HDAC9: variants seen among roughly 807,000 people sequenced by gnomAD.
HDAC9 encodes the protein MEF-2 interacting transcription repressor (MITR) protein.
In HDAC9, 41 loss-of-function variants were observed where a neutral mutation model predicts 139.4. The observed-to-expected ratio is 0.29, with a 90% CI of 0.23 to 0.38. The LOEUF (loss-of-function observed/expected upper bound fraction) is 0.38, where lower values mean the gene tolerates loss of function less well. Ranked by LOEUF, HDAC9 falls within the 10% of genes least tolerant of loss-of-function variation. The pLI, the probability that HDAC9 is intolerant of heterozygous loss-of-function variation, is 1.00. For missense variants in HDAC9, 1,147 were observed against 1,297.0 expected, an observed-to-expected ratio of 0.88 and a Z score of 1.78; for synonymous variants, 517 against 476.2, an observed-to-expected ratio of 1.09 and a Z score of -1.12.
chr7:18,475,332 T>C (rs1795033179), intron 1 of HDAC9, among the ~76,000 whole-genome samples: 1 of 152,218 alleles, frequency 6.6e-6, no homozygotes, highest in Admixed American at 6.5e-5. Context: ...TTAAGTTAAA[T>C]TCTTTGAGTC....
intron 12 of HDAC9, among the ~76,000 whole-genome samples, chr7:18,699,230 G>C (rs1374648462): frequency 2.0e-5 from 3 of 152,104 alleles, no homozygotes; most frequent in Non-Finnish European, 4.4e-5. Context: ...AGTCAATAGA[G>C]GGTGATCCCA....
At chr7:18,794,163 A>G (rs1792575612) in intron 17 of HDAC9, among the ~76,000 whole-genome samples, 1 of 152,184 alleles carries the variant, frequency 6.6e-6, no homozygotes, top group Non-Finnish European at 1.5e-5. Context: ...AGTTACCCCA[A>G]TAAACTTTGT....
intron 16 of HDAC9, among the ~76,000 whole-genome samples, chr7:18,788,198 C>T (rs192111228): frequency 3.3e-5 from 5 of 152,272 alleles, no homozygotes; most frequent in Admixed American, 3.3e-4. Context: ...CCAGTAGCCT[C>T]CCTTTGGCTC....
chr7:18,845,504 G>A (rs763662609), intron 21 of HDAC9, among the ~76,000 whole-genome samples: 2 of 152,150 alleles, frequency 1.3e-5, no homozygotes, highest in South Asian at 4.1e-4. Context: ...GCTCCAGAGT[G>A]TAACTGAACC....
rs113868749 is a variant in HDAC9, at chr7:18,348,457, C to A, written c.-42+57942C>A. On this transcript the variant is annotated intron_variant, in intron 1 of 3. Transcript: ENST00000413509. ...TTACTCATGGATTTTTGGGAAGGTT[C>A]AATTAGATATGCCCCAAGAAATGCT... 3.0e-3 allele frequency among the ~76,000 whole-genome samples: 458 copies of A among 152,138 alleles called. 2 individuals are homozygous for A. Among genetic ancestry groups the A allele is most frequent in the African/African-American group, 0.011 (437 of 41,500 alleles).
At position 18,495,982 on chromosome 7, in the gene HDAC9, A is replaced by G; in HGVS notation, c.-83A>G. 1 of 1,290,698 alleles carries G rather than the reference A, an allele frequency of 7.7e-7. No individual in the cohort carries two copies. Among genetic ancestry groups the G allele is most frequent in the Non-Finnish European group, 9.8e-7 (1 of 1,021,698 alleles). 80.0% of individuals were successfully genotyped at this position (1,290,698 alleles called of 1,614,324 possible). On this transcript the variant is annotated 5_prime_UTR_variant, in exon 1 of 26. Coordinates refer to ENST00000686413, the MANE Select transcript of HDAC9 (RefSeq NM_178425.4). ...GTTTCCGGGATAACCTAAACTCCAG[A>G]GAGCTATAGCATCCACTCTGTCCTT... is the stretch of plus-strand genomic sequence containing the variant.
chr7:18,758,682 T>G (rs535807503), intron 14 of HDAC9, among the ~76,000 whole-genome samples: 1 of 152,322 alleles, frequency 6.6e-6, no homozygotes, highest in African/African-American at 2.4e-5. Context: ...GCTGTTGCTC[T>G]TTCAGAATTT....
At chr7:18,826,424 T>C (rs1307338145) in intron 17 of HDAC9, among the ~76,000 whole-genome samples, 1 of 152,102 alleles carries the variant, frequency 6.6e-6, no homozygotes, top group East Asian at 1.9e-4. Flanking sequence ...TAGAGGAGTT[T>C]GATATTCCTG....
intron 2 of HDAC9, among the ~76,000 whole-genome samples, chr7:18,539,265 C>A (rs1219004479): frequency 6.6e-5 from 10 of 152,160 alleles, no homozygotes; most frequent in African/African-American, 2.4e-4. Flanking sequence ...GTTTTTCCCC[C>A]AAATTTATAT....
intron 1 of HDAC9, among the ~76,000 whole-genome samples, chr7:18,298,283 T>A (rs1216672556): frequency 2.6e-5 from 4 of 151,696 alleles, no homozygotes; most frequent in Non-Finnish European, 5.9e-5. Context: ...TTTTTATGTT[T>A]TTTTTTTTTT....
intron 1 of HDAC9, among the ~76,000 whole-genome samples, chr7:18,136,163 T>C (rs1275734835): frequency 8.1e-5 from 12 of 148,580 alleles, no homozygotes; most frequent in African/African-American, 1.0e-4. Flanking sequence ...TGTTTTTTTC[T>C]TGTAAATTTG....
intron 16 of HDAC9, among the ~76,000 whole-genome samples, chr7:18,783,537 A>G (rs1351778080): frequency 1.3e-5 from 2 of 152,128 alleles, no homozygotes; most frequent in Non-Finnish European, 2.9e-5. Context: ...GGAATCCTTC[A>G]GTAACACACC....
At chr7:18,387,391 T>G (rs954070615) in intron 1 of HDAC9, among the ~76,000 whole-genome samples, 1 of 152,228 alleles carries the variant, frequency 6.6e-6, no homozygotes, top group East Asian at 1.9e-4. Context: ...TTTATTCTCT[T>G]TTGCTATTAT....
intron 2 of HDAC9, among the ~76,000 whole-genome samples, chr7:18,168,926 TGC>T (rs1554318239): frequency 7.7e-6 from 1 of 130,062 alleles, no homozygotes; most frequent in Non-Finnish European, 1.6e-5. Context: ...TGTGTGTGTG[TGC>T]GCGCATGTGT....
At chr7:18,843,775 T>C (rs867838776) in intron 21 of HDAC9, among the ~76,000 whole-genome samples, 8 of 152,270 alleles carry the variant, frequency 5.3e-5, no homozygotes, top group Middle Eastern at 3.4e-3. Flanking sequence ...AGATTGAATG[T>C]TTGTTTTAAT....
In HDAC9 at chr7:18,835,239, G is replaced by A. The variant is rs1585124827; in HGVS notation, c.2467-228G>A. On this transcript the variant is annotated intron_variant, in intron 19 of 25. Transcript: ENST00000686413. The stretch of plus-strand genomic sequence containing the variant: ...CGCTGTGGTTTCCTGATTTTTAGAA[G>A]CCAGTTTAAAAAATGAGTGCATTAA... Among the ~76,000 whole-genome samples, 4 of 152,076 alleles carry A rather than the reference G, an allele frequency of 2.6e-5. No individual in the cohort carries two copies. In the South Asian group the frequency reaches 8.3e-4, roughly 32 times the overall value.
intron 8 of HDAC9, among the ~76,000 whole-genome samples, chr7:18,640,201 G>A (rs1196708390): frequency 3.3e-5 from 5 of 149,920 alleles, no homozygotes; most frequent in African/African-American, 1.2e-4. Context: ...AGTTTAAGAC[G>A]AGCCTGGGCA....
chr7:18,619,707 GT>G (rs1378895291), intron 6 of HDAC9, among the ~76,000 whole-genome samples: 1 of 152,166 alleles, frequency 6.6e-6, no homozygotes, highest in African/African-American at 2.4e-5. Context: ...ACCTCTATAA[GT>G]ATCTCATAGA....
intron 17 of HDAC9, among the ~76,000 whole-genome samples, chr7:18,824,075 G>GAAGAAGAAGAAGAAGAAAAA (rs1795216137): frequency 6.6e-6 from 1 of 151,002 alleles, no homozygotes; most frequent in Non-Finnish European, 1.5e-5. Context: ...AGAAGAAGAA[G>GAAGAAGAAGAAGAAGAAAAA]AAGAAGAAGA....
Sources: allele counts gnomAD v4.1 joint callset (sites outside exome capture counted in the v4.1 genomes callset), GRCh38; gene constraint gnomAD v4.1.1; transcripts MANE v1.5; gene names NCBI Gene and HGNC (gene_info 2026-07-23, HGNC 2026-07-21).